BANP: variants seen among roughly 807,000 people sequenced by gnomAD.
BANP encodes the protein BTG3 associated nuclear protein.
In BANP, 11 loss-of-function variants were observed where a neutral mutation model predicts 68.1. The observed-to-expected ratio is 0.16, with a 90% CI of 0.10 to 0.27. The LOEUF is 0.27. Among genes scored for constraint, BANP ranks in the 10% least tolerant of loss-of-function variants. BANP has a pLI of 1.00. For synonymous variants in BANP, 329 were observed against 303.2 expected (o/e 1.09, Z -0.88); for missense variants, 504 against 722.7 (o/e 0.70, Z 3.47).
At chr16:88,010,806 G>A (rs1312260725) in intron 6 of BANP, among the ~76,000 whole-genome samples, 1 of 152,124 alleles carries the variant, frequency 6.6e-6, no homozygotes, top group African/African-American at 2.4e-5. Flanking sequence ...CGCAGTCCAT[G>A]GAATGCCATT....
rs375466061 is a variant in BANP, at chr16:87,980,986, C to G, written c.71-50C>G. The G allele has an allele frequency of 7.7e-6, 10 of 1,300,360 alleles. No homozygotes were observed. The African/African-American group carries it at 8.7e-5, about 11-fold the overall frequency. The allele number at this position is 1,300,360 out of a possible 1,614,324, so 80.6% of individuals were successfully genotyped here. A position where few individuals can be genotyped will look rare whatever the true frequency, so the allele number is the denominator to read the frequency against. On this transcript the variant is annotated intron_variant, in intron 2 of 13. Coordinates refer to ENST00000682872, the MANE Select transcript of BANP (RefSeq NM_001386991.1). ...TTACTATCTTAATGTTAAAATAATT[C>G]TGTAAAACTTTTCATGTTAAACATT...
At chr16:87,951,705 C>T (rs1446068034) in intron 1 of BANP, among the ~76,000 whole-genome samples, 190 bp downstream of exon 1, 2 of 149,848 alleles carry the variant, frequency 1.3e-5, no homozygotes, top group Admixed American at 1.3e-4. Context: ...GGCCGCGCCC[C>T]GGAAGAGGGG....
chr16:87,951,965 G>C (rs2056988068), intron 1 of BANP, among the ~76,000 whole-genome samples: 1 of 152,162 alleles, frequency 6.6e-6, no homozygotes, highest in Admixed American at 6.5e-5. Context: ...CATCGTTTTT[G>C]TGCCTCCTCC....
At chr16:88,075,207 A>G (rs891475275) in intron 13 of BANP, among the ~76,000 whole-genome samples, 2 of 152,164 alleles carry the variant, frequency 1.3e-5, no homozygotes, top group Admixed American at 6.5e-5. Context: ...TTAGCCAGGC[A>G]TGGTGGCAGG....
chr16:88,020,139 A>G (rs753724350), intron 7 of BANP, among the ~76,000 whole-genome samples: 1 of 152,326 alleles, frequency 6.6e-6, no homozygotes, highest in Middle Eastern at 3.4e-3. Flanking sequence ...TCAGAGGGTC[A>G]TGGGGCAGGG....
chr16:88,041,382 C>T (rs1283164490), intron 11 of BANP, among the ~76,000 whole-genome samples: 1 of 152,136 alleles, frequency 6.6e-6, no homozygotes, highest in Admixed American at 6.5e-5. Flanking sequence ...GTTGGTGTGA[C>T]CCTGTGGCAC....
At chr16:87,988,916 C>T (rs2065173279) in intron 4 of BANP, among the ~76,000 whole-genome samples, 1 of 152,178 alleles carries the variant, frequency 6.6e-6, no homozygotes, top group South Asian at 2.1e-4. Flanking sequence ...TTGAAATCAC[C>T]CCACCTGTTG....
In BANP at chr16:88,076,644, G is replaced by A; in HGVS notation, c.1576G>A (p.Ala526Thr). The change falls in exon 14 of 14, where the codon GCC becomes ACC. Residue 526 changes from alanine to threonine, a missense_variant. Coordinates refer to ENST00000682872, the MANE Select transcript of BANP (RefSeq NM_001386991.1). ...GCCGGAGATGCAGCTCGAGCACGGG[G>A]CCATCCAGATTCAGTGAGCGGTGCC... ...LQPEMQLEHG[A>T]IQIQ The A allele has an allele frequency of 1.2e-6, 2 of 1,609,748 alleles. No individual in the cohort carries two copies. Among genetic ancestry groups the A allele is most frequent in the African/African-American group, 1.3e-5 (1 of 75,018 alleles).
chr16:87,963,880 G>T (rs1306048163), intron 1 of BANP, among the ~76,000 whole-genome samples: 1 of 152,188 alleles, frequency 6.6e-6, no homozygotes, highest in Non-Finnish European at 1.5e-5. Flanking sequence ...GTTACAGTGG[G>T]TTTCCTTTTA....
chr16:88,044,930 T>C (rs1030560482), intron 11 of BANP, among the ~76,000 whole-genome samples: 60 of 152,080 alleles, frequency 3.9e-4, no homozygotes, highest in African/African-American at 1.4e-3. Context: ...TGCATTGAGC[T>C]GAGATCGCGC....
chr16:87,961,500 A>G (rs1197440360), intron 1 of BANP, among the ~76,000 whole-genome samples: 1 of 151,282 alleles, frequency 6.6e-6, no homozygotes, highest in Non-Finnish European at 1.5e-5. Flanking sequence ...CGACCAAAAC[A>G]ACATATCGGA....
chr16:87,955,686 CAA>C (rs1452923032), intron 1 of BANP, among the ~76,000 whole-genome samples: 4 of 151,934 alleles, frequency 2.6e-5, no homozygotes, highest in Admixed American at 2.0e-4. Flanking sequence ...ATACACGTCA[CAA>C]AGGGAAAAAT....
rs552365713 is a variant in BANP at position 88,018,052 on chromosome 16, C to G, written c.656-376C>G. Among the ~76,000 whole-genome samples, 1 of 152,130 alleles carries G rather than the reference C, an allele frequency of 6.6e-6. No homozygotes were observed. The highest frequency in any genetic ancestry group is 2.1e-4 in the South Asian group (1 of 4,790). ...GCTGGCAGTGAGGTGTGAGGGACCC[C>G]GGGGAGGGTTCCGCTCTGCAGGTGG... On this transcript the variant is annotated intron_variant, in intron 6 of 13. Coordinates refer to ENST00000682872, the MANE Select transcript of BANP (RefSeq NM_001386991.1). This position sits in a 1 kb window ranked among gnomAD's most constrained non-coding sequence, Gnocchi z 7.7.
intron 2 of BANP, among the ~76,000 whole-genome samples, chr16:87,978,093 C>T (rs910436557): frequency 2.0e-5 from 3 of 152,210 alleles, no homozygotes; most frequent in Non-Finnish European, 4.4e-5. Flanking sequence ...ACCTCGGCCT[C>T]CCAAAGTGCT....
chr16:88,026,858 T>G (rs1366977460), intron 7 of BANP, among the ~76,000 whole-genome samples: 1 of 152,274 alleles, frequency 6.6e-6, no homozygotes, highest in Middle Eastern at 3.4e-3. Flanking sequence ...ACTGTGTTTG[T>G]GAGGGGGACA....
At chr16:88,001,428 G>C (rs2069305012) in intron 4 of BANP, among the ~76,000 whole-genome samples, 1 of 152,250 alleles carries the variant, frequency 6.6e-6, no homozygotes, top group Non-Finnish European at 1.5e-5. Context: ...GGACTTAGCT[G>C]TGTTTTTTGT....
chr16:87,995,772 G>A (rs370310580), intron 4 of BANP, among the ~76,000 whole-genome samples: 2 of 152,238 alleles, frequency 1.3e-5, no homozygotes, highest in African/African-American at 2.4e-5. Flanking sequence ...GGGAGTGGTC[G>A]GTGATTGACT....
In BANP at chr16:88,057,762, G is replaced by C. The variant is rs948637972; in HGVS notation, c.1312-7505G>C. ...GGGCCATCTGGGTGGGGCGGGGGGG[G>C]GGGTGCGTGCAGTGACTCGCGCTGG... On this transcript the variant is annotated intron_variant, in intron 11 of 13. Coordinates refer to ENST00000682872, the MANE Select transcript of BANP (RefSeq NM_001386991.1). The surrounding 1 kb of genome is among the most constrained non-coding windows in gnomAD (Gnocchi z 4.6). Among the ~76,000 whole-genome samples, 16 of 145,124 alleles carry C rather than the reference G, an allele frequency of 1.1e-4. No homozygotes were observed. The highest frequency in any genetic ancestry group is 3.3e-4 in the African/African-American group (13 of 39,272).
intron 1 of BANP, among the ~76,000 whole-genome samples, chr16:87,962,472 C>G (rs2059365500): frequency 6.6e-6 from 1 of 152,126 alleles, no homozygotes; most frequent in African/African-American, 2.4e-5. Context: ...TCAGGACCCT[C>G]AGTAGCTTTA....
Sources: allele counts gnomAD v4.1 joint callset (sites outside exome capture counted in the v4.1 genomes callset), GRCh38; gene constraint gnomAD v4.1.1; non-coding constraint Gnocchi (gnomAD v3.1); transcripts MANE v1.5; gene names NCBI Gene and HGNC (gene_info 2026-07-23, HGNC 2026-07-21).